Variants in ARMH4 observed in about 807,000 individuals in gnomAD.
ARMH4 encodes armadillo like helical domain containing 4.
ARMH4 carries 49 observed loss-of-function variants against 61.9 expected under a neutral mutation model. The observed-to-expected ratio is 0.79, with a 90% CI of 0.63 to 1.00. The LOEUF is 1.00. Among genes scored for constraint, ARMH4 ranks in the 50% least tolerant of loss-of-function variants. The probability of loss-of-function intolerance (pLI) is 0.00; values close to 1 mark genes in which losing one functional copy is unlikely to be tolerated. For synonymous variants in ARMH4, 368 were observed against 341.5 expected, an observed-to-expected ratio of 1.08 and a Z score of -0.85; for missense variants, 934 against 930.0, an observed-to-expected ratio of 1.00 and a Z score of -0.06.
chr14:58,049,627 G>C (rs1229399652), intron 5 of ARMH4, among the ~76,000 whole-genome samples: 2 of 152,158 alleles, frequency 1.3e-5, no homozygotes, highest in Non-Finnish European at 2.9e-5. Context: ...GGAGCTTAAA[G>C]TCCAACAGGG....
intron 5 of ARMH4, among the ~76,000 whole-genome samples, chr14:58,076,087 G>C: frequency 6.7e-6 from 1 of 148,876 alleles, no homozygotes; most frequent in Non-Finnish European, 1.5e-5. Flanking sequence ...AGAAAGAGGA[G>C]GAAGGGGAGG....
chr14:58,028,056 G>C (rs567694309), intron 5 of ARMH4, among the ~76,000 whole-genome samples: 2 of 152,184 alleles, frequency 1.3e-5, no homozygotes, highest in South Asian at 4.2e-4. Flanking sequence ...CACACCCCTG[G>C]TAGCAACTGT....
rs183089844 is a variant in ARMH4 at position 58,001,862 on chromosome 14, T to A, written c.*2874A>T. 3 of 152,202 alleles carry A rather than the reference T, an allele frequency of 2.0e-5. No homozygotes were observed. The highest frequency in any genetic ancestry group is 2.0e-4 in the Admixed American group (3 of 15,274). 9.4% of individuals were successfully genotyped at this position (152,202 alleles called of 1,614,324 possible). On this transcript the variant is annotated 3_prime_UTR_variant, in exon 8 of 8. Coordinates refer to ENST00000267485, the MANE Select transcript of ARMH4 (RefSeq NM_001001872.4). ...CTCTCCCTCCGAGAAGAAGACCTAG[T>A]TCCTGCCCCTGCGGTGGGATGCTGG...
At chr14:58,097,368 C>G (rs1326532109) in intron 4 of ARMH4, among the ~76,000 whole-genome samples, 2 of 152,186 alleles carry the variant, frequency 1.3e-5, no homozygotes, top group African/African-American at 4.8e-5. Flanking sequence ...AGAAGCTGTT[C>G]CCATCCCTTT....
At chr14:58,047,589 C>T (rs1883985469) in intron 5 of ARMH4, among the ~76,000 whole-genome samples, 1 of 152,140 alleles carries the variant, frequency 6.6e-6, no homozygotes, top group Admixed American at 6.5e-5. Flanking sequence ...TTATAAGTGG[C>T]AGACCTGGGA....
At chr14:58,055,717 C>T (rs1884327729) in intron 5 of ARMH4, among the ~76,000 whole-genome samples, 1 of 152,178 alleles carries the variant, frequency 6.6e-6, no homozygotes, top group Non-Finnish European at 1.5e-5. Context: ...ATCAGATGCC[C>T]AGATGACTCA....
rs1884546207 is a variant in ARMH4 at position 58,061,989 on chromosome 14, A to AG, written c.2089+34734dup. On this transcript the variant is annotated intron_variant, in intron 5 of 7. Coordinates refer to ENST00000267485, the MANE Select transcript of ARMH4 (RefSeq NM_001001872.4). ...CCCATTTTATCTTTAAAAAAAAAAA[A>AG]GCAAACAAAAACAGGGGCTCAGAAA... 4.0e-5 allele frequency among the ~76,000 whole-genome samples: 6 copies of AG among 151,386 alleles called. No individual in the cohort carries two copies. The South Asian group carries it at 1.3e-3, about 32-fold the overall frequency.
chr14:58,103,439 C>T (rs1886067497), intron 4 of ARMH4, among the ~76,000 whole-genome samples: 1 of 152,086 alleles, frequency 6.6e-6, no homozygotes, highest in African/African-American at 2.4e-5. Flanking sequence ...TTGCCAGATG[C>T]TGGTACCTTG....
intron 1 of ARMH4, among the ~76,000 whole-genome samples, chr14:58,145,899 T>A (rs1006900265): frequency 6.6e-6 from 1 of 152,232 alleles, no homozygotes; most frequent in Admixed American, 6.5e-5. Context: ...GGAACTCAGA[T>A]AAACTGATAG....
At chr14:58,085,058 T>G (rs780594197) in intron 5 of ARMH4, among the ~76,000 whole-genome samples, 2 of 152,186 alleles carry the variant, frequency 1.3e-5, no homozygotes, top group Non-Finnish European at 2.9e-5. Flanking sequence ...AAAAGTTAAG[T>G]GCATTCTTTC....
At chr14:58,046,522 G>A (rs947823541) in intron 5 of ARMH4, among the ~76,000 whole-genome samples, 3 of 152,068 alleles carry the variant, frequency 2.0e-5, no homozygotes, top group African/African-American at 7.2e-5. Flanking sequence ...AAAATCCCAG[G>A]GCTAGGAAGA....
chr14:58,064,469 A>G (rs1884638237), intron 5 of ARMH4, among the ~76,000 whole-genome samples: 1 of 152,150 alleles, frequency 6.6e-6, no homozygotes, highest in Non-Finnish European at 1.5e-5. Flanking sequence ...TAAACACACA[A>G]CTATTTATAC....
At position 58,131,646 on chromosome 14, in the gene ARMH4, A is replaced by G. The variant is rs754062638; in HGVS notation, c.1697T>C (p.Ile566Thr). The G allele has an allele frequency of 3.2e-5, 51 of 1,614,020 alleles. No individual in the cohort carries two copies. In the Admixed American group the frequency reaches 8.5e-4, roughly 27 times the overall value. ...GGAAATGCTGGGTTCCCCCACCATTATTCCAGGAGGTGTCACTGGAGATCC... is the reference window on the plus strand; with the variant it reads ...GGAAATGCTGGGTTCCCCCACCATTGTTCCAGGAGGTGTCACTGGAGATCC... ...VLGSPVTPPGIMVGEPSISPA... is the reference protein window; with the variant it reads ...VLGSPVTPPGTMVGEPSISPA... Residue 566 changes from isoleucine (I) to threonine (T), a missense_variant, in exon 4 of 8, where the codon ATA (isoleucine) becomes ACA (threonine). Transcript: ENST00000267485.
chr14:58,071,280 A>G (rs1237257474), intron 5 of ARMH4, among the ~76,000 whole-genome samples: 1 of 152,028 alleles, frequency 6.6e-6, no homozygotes, highest in Non-Finnish European at 1.5e-5. Context: ...TCTTTTCAAT[A>G]CATACAATTT....
chr14:58,060,566 C>T (rs1678347561), intron 5 of ARMH4, among the ~76,000 whole-genome samples: 1 of 152,196 alleles, frequency 6.6e-6, no homozygotes. Context: ...TACTGCCAAC[C>T]AAGAAAAACT....
chr14:58,053,102 C>A (rs1378344085), intron 5 of ARMH4, among the ~76,000 whole-genome samples: 2 of 152,214 alleles, frequency 1.3e-5, no homozygotes, highest in African/African-American at 2.4e-5. Context: ...TAAAAGCCAT[C>A]TTTCCTGTTG....
At chr14:58,087,581 A>G (rs1167444967) in intron 5 of ARMH4, among the ~76,000 whole-genome samples, 1 of 152,244 alleles carries the variant, frequency 6.6e-6, no homozygotes, top group Non-Finnish European at 1.5e-5. Context: ...AGTGTTCCAC[A>G]GCTGACCTGG....
Position 58,013,656 on chromosome 14 carries a change from A to G in ARMH4, c.2090-1506T>C, listed in dbSNP as rs567180596. Among the ~76,000 whole-genome samples the G allele has an allele frequency of 1.4e-4, 22 of 152,300 alleles. No homozygotes were observed. The East Asian group carries it at 3.5e-3, about 24-fold the overall frequency. On this transcript the variant is annotated intron_variant, in intron 5 of 7. Coordinates refer to ENST00000267485, the MANE Select transcript of ARMH4 (RefSeq NM_001001872.4). ...GAACAGCAAACCAATGACAAACATGAAAGTCAGGTCAGATTATGCTCAGGG... is the reference window on the plus strand; with the variant it reads ...GAACAGCAAACCAATGACAAACATGGAAGTCAGGTCAGATTATGCTCAGGG...
At chr14:58,119,305 T>C (rs990831785) in intron 4 of ARMH4, among the ~76,000 whole-genome samples, 1 of 152,256 alleles carries the variant, frequency 6.6e-6, no homozygotes, top group Non-Finnish European at 1.5e-5. Flanking sequence ...TAAAGTGTAG[T>C]TGATACTGTC....
Sources: allele counts gnomAD v4.1 joint callset (sites outside exome capture counted in the v4.1 genomes callset), GRCh38; gene constraint gnomAD v4.1.1; transcripts MANE v1.5; gene names NCBI Gene and HGNC (gene_info 2026-07-23, HGNC 2026-07-21).